The following VPS4B variants were observed in gnomAD, a reference collection of about 807,000 sequenced individuals.
VPS4B encodes the protein vacuolar protein sorting 4 homolog B.
VPS4B carries 23 observed loss-of-function variants against 56.1 expected under a neutral mutation model. That is an observed-to-expected ratio of 0.41 (90% CI 0.30 to 0.58). The LOEUF is 0.58. VPS4B is among the 20% of genes least tolerant of loss of function. The probability of loss-of-function intolerance (pLI) is 0.29; values close to 1 mark genes in which losing one functional copy is unlikely to be tolerated. For synonymous variants in VPS4B, 177 were observed against 186.0 expected (o/e 0.95, Z 0.39); for missense variants, 372 against 531.9 (o/e 0.70, Z 2.96).
At chr18:63,391,885 T>G (rs1485534035) in intron 10 of VPS4B, among the ~76,000 whole-genome samples, 1 of 152,164 alleles carries the variant, frequency 6.6e-6, no homozygotes, top group Admixed American at 6.5e-5. Flanking sequence ...TATCAGAGAT[T>G]CATTAAAAAA....
intron 5 of VPS4B, among the ~76,000 whole-genome samples, chr18:63,402,549 T>A (rs1223598919): frequency 2.0e-5 from 3 of 152,224 alleles, no homozygotes; most frequent in African/African-American, 7.2e-5. Flanking sequence ...TGTATATTTA[T>A]GCTATACTCT....
chr18:63,413,366 C>A (rs1412914209), intron 1 of VPS4B, among the ~76,000 whole-genome samples: 2 of 152,050 alleles, frequency 1.3e-5, no homozygotes, highest in African/African-American at 4.8e-5. Context: ...CAGTGAAACC[C>A]CGTCTCTACT....
intron 6 of VPS4B, 58 bp from the exon 7 acceptor site, chr18:63,400,254 T>C: frequency 6.7e-7 from 1 of 1,489,932 alleles, no homozygotes; most frequent in Non-Finnish European, 9.0e-7. Context: ...TAAAACAAAG[T>C]AATATATCAA....
At chr18:63,395,812 T>C (rs970657198) in intron 9 of VPS4B, among the ~76,000 whole-genome samples, 4 of 152,228 alleles carry the variant, frequency 2.6e-5, no homozygotes, top group Non-Finnish European at 4.4e-5. Context: ...GCTTAACTTG[T>C]TCTTGCAGAC....
intron 1 of VPS4B, among the ~76,000 whole-genome samples, chr18:63,421,888 C>CA (rs1034572773): frequency 1.6e-4 from 24 of 152,230 alleles, no homozygotes; most frequent in Non-Finnish European, 2.5e-4. Context: ...ACCCTATCTT[C>CA]AACTGGTCCA....
chr18:63,398,221 A>T lies in VPS4B; in HGVS notation c.873-968T>A, dbSNP rs996354235. Among the ~76,000 whole-genome samples the T allele has an allele frequency of 3.2e-3, 466 of 145,374 alleles. 3 individuals carry two copies. Among genetic ancestry groups the T allele is most frequent in the African/African-American group, 0.012 (446 of 38,260 alleles). On this transcript the variant is annotated intron_variant, in intron 8 of 10. Coordinates refer to ENST00000238497, the MANE Select transcript of VPS4B (RefSeq NM_004869.4). ...CACACACACATATATATATATATAT[A>T]TATTTTTTTTTGAGATGGAGTCTCA... is the stretch of plus-strand genomic sequence containing the variant.
At chr18:63,409,783 C>CA (rs1030328203) in intron 3 of VPS4B, among the ~76,000 whole-genome samples, 1 of 151,874 alleles carries the variant, frequency 6.6e-6, no homozygotes, top group Non-Finnish European at 1.5e-5. Context: ...ATAAGATATC[C>CA]AAAAAAAATT....
Position 63,390,279 on chromosome 18 carries a change from G to A in VPS4B, c.*696C>T, listed in dbSNP as rs996736813. On this transcript the variant is annotated 3_prime_UTR_variant, in exon 11 of 11. Coordinates refer to ENST00000238497, the MANE Select transcript of VPS4B (RefSeq NM_004869.4). ...AGTAGAGACGGCATTTCACCATGTT[G>A]GCCAGACTGGTCTTGAACTCCTGAC... 1 of 152,328 alleles carries A rather than the reference G, an allele frequency of 6.6e-6. No homozygotes were observed. The highest frequency in any genetic ancestry group is 1.5e-5 in the Non-Finnish European group (1 of 68,152). The allele number at this position is 152,328 out of a possible 1,614,324, so 9.4% of individuals were successfully genotyped here.
At chr18:63,400,872 G>C (rs1336709496) in intron 5 of VPS4B, among the ~76,000 whole-genome samples, 169 bp from the exon 6 acceptor site, 4 of 152,122 alleles carry the variant, frequency 2.6e-5, no homozygotes, top group African/African-American at 9.7e-5. Context: ...GTTTCTTCTA[G>C]AGACTACTTT....
At chr18:63,409,280 C>T (rs865844600) in intron 3 of VPS4B, among the ~76,000 whole-genome samples, 11 of 152,332 alleles carry the variant, frequency 7.2e-5, no homozygotes, top group Middle Eastern at 6.8e-3. Context: ...AACACTGGTT[C>T]TTATATTCCT....
intron 10 of VPS4B, among the ~76,000 whole-genome samples, chr18:63,393,011 G>A (rs994743142): frequency 6.6e-6 from 1 of 152,162 alleles, no homozygotes; most frequent in Non-Finnish European, 1.5e-5. Context: ...CTCCCAAAGT[G>A]CTGGGATTAC....
At chr18:63,409,371 C>G (rs1244757146) in intron 3 of VPS4B, among the ~76,000 whole-genome samples, 1 of 152,208 alleles carries the variant, frequency 6.6e-6, no homozygotes, top group African/African-American at 2.4e-5. Context: ...CTTGTGACCA[C>G]AGGGTATTGT....
At chr18:63,399,891 C>T (rs1224854598) in intron 7 of VPS4B, among the ~76,000 whole-genome samples, 157 bp downstream of exon 7, 1 of 151,992 alleles carries the variant, frequency 6.6e-6, no homozygotes, top group Non-Finnish European at 1.5e-5. Flanking sequence ...TGGTGGTGCG[C>T]GCCTGTAATC....
intron 5 of VPS4B, among the ~76,000 whole-genome samples, chr18:63,401,318 G>A (rs1599359001): frequency 6.6e-6 from 1 of 152,064 alleles, no homozygotes; most frequent in Admixed American, 6.6e-5. Context: ...GCAGTGGTGC[G>A]ATCTCGGCTC....
At chr18:63,405,267 T>C (rs996669185) in intron 4 of VPS4B, among the ~76,000 whole-genome samples, 1 of 152,182 alleles carries the variant, frequency 6.6e-6, no homozygotes, top group African/African-American at 2.4e-5. Context: ...TACTATTTAC[T>C]AGTATATTAC....
Position 63,397,189 on chromosome 18 carries a change from G to T in VPS4B, c.937C>A (p.His313Asn). Reference protein sequence around the residue: ...PHARAAMFKLHLGTTQNSLTE... With the variant: ...PHARAAMFKLNLGTTQNSLTE... ...AGACTGTTCTGAGTGGTCCCTAGGT[G>T]CAGTTTAAACATTGCTGCTCGGGCA... is the stretch of plus-strand genomic sequence containing the variant. The change falls in exon 9 of 11, where the codon CAC becomes AAC. Residue 313 changes from histidine (H) to asparagine (N), a missense_variant. Coordinates refer to ENST00000238497, the MANE Select transcript of VPS4B (RefSeq NM_004869.4). 1 of 1,614,114 alleles carries T rather than the reference G, an allele frequency of 6.2e-7. No homozygotes were observed. The highest frequency in any genetic ancestry group is 1.1e-5 in the South Asian group (1 of 91,082).
intron 8 of VPS4B, among the ~76,000 whole-genome samples, chr18:63,398,739 G>A (rs986707789): frequency 6.0e-5 from 9 of 151,252 alleles, no homozygotes; most frequent in Admixed American, 4.0e-4. Flanking sequence ...GGAGGCTGAG[G>A]CAGGAGAATC....
intron 9 of VPS4B, 37 bp from the exon 10 acceptor site, chr18:63,393,586 CA>C (rs1915604466): frequency 6.6e-7 from 1 of 1,508,048 alleles, no homozygotes; most frequent in South Asian, 1.3e-5. Context: ...GTATTTGAAA[CA>C]AAATTGAACA....
At chr18:63,412,366 T>C (rs911102879) in intron 1 of VPS4B, among the ~76,000 whole-genome samples, 2 of 151,292 alleles carry the variant, frequency 1.3e-5, no homozygotes, top group Non-Finnish European at 2.9e-5. Context: ...TTAAACAGAG[T>C]TTATCTTTGA....
Sources: gnomAD v4.1 joint callset for allele counts (sites outside exome capture counted in the v4.1 genomes callset) on GRCh38, gnomAD v4.1.1 for gene constraint, MANE v1.5 for transcripts, NCBI Gene and HGNC (gene_info 2026-07-23, HGNC 2026-07-21) for gene names.